TPO: variants seen among roughly 807,000 people sequenced by gnomAD.
The protein encoded by TPO is thyroid peroxidase.
TPO carries 78 observed loss-of-function variants against 96.9 expected under a neutral mutation model. The observed-to-expected ratio is 0.81, with a 90% CI of 0.67 to 0.97. The LOEUF (loss-of-function observed/expected upper bound fraction) is 0.97, where lower values mean the gene tolerates loss of function less well. Among genes scored for constraint, TPO ranks in the 50% least tolerant of loss-of-function variants. The probability of loss-of-function intolerance (pLI) is 0.00; values close to 1 mark genes in which losing one functional copy is unlikely to be tolerated. For missense variants in TPO, 1,252 were observed against 1,274.8 expected (o/e 0.98, Z 0.27); for synonymous variants, 547 against 538.0 (o/e 1.02, Z -0.23).
At chr2:1,535,336 G>A (rs1268833117) in intron 15 of TPO, among the ~76,000 whole-genome samples, 2 of 29,698 alleles carry the variant, frequency 6.7e-5, no homozygotes, top group African/African-American at 1.5e-4. Flanking sequence ...CCCCCCCACT[G>A]TATGCAACCT....
intron 7 of TPO, among the ~76,000 whole-genome samples, chr2:1,458,622 G>A (rs1668116034): frequency 6.6e-6 from 1 of 152,040 alleles, no homozygotes; most frequent in Admixed American, 6.5e-5. Flanking sequence ...GGGCACGTGT[G>A]TTTATAGCAT....
rs1289799614 is a variant in TPO at position 1,385,722 on chromosome 2, G to GCT, written n.180+11323_180+11324dup. Among the ~76,000 whole-genome samples the GCT allele has an allele frequency of 6.6e-5, 10 of 151,278 alleles. No homozygotes were observed. In the East Asian group the frequency reaches 1.9e-3, roughly 29 times the overall value. ...TTGTGTCTCTATCTACTTCAGTTCT[G>GCT]CTCTGATCTTAGTTATTTCTTGGCT... On this transcript the variant is annotated intron_variant and non_coding_transcript_variant, in intron 1 of 5. Transcript: ENST00000497517.
rs1212098572 is a variant in TPO at position 1,477,085 on chromosome 2, G to A, written c.820-1G>A. On this transcript the variant is annotated splice_acceptor_variant, in intron 7 of 16. Coordinates refer to ENST00000329066, the MANE Select transcript of TPO (RefSeq NM_001206744.2). LOFTEE classifies it high-confidence loss of function. ...GACCTTGAACTCCCCTTTGCCTGCA[G>A]CTCCCGGAGGAGGCCCGGCCGGCCG... 2 of 1,601,808 alleles carry A rather than the reference G, an allele frequency of 1.2e-6. No homozygotes were observed. Among genetic ancestry groups the A allele is most frequent in the East Asian group, 4.5e-5 (2 of 44,720 alleles).
intron 13 of TPO, among the ~76,000 whole-genome samples, chr2:1,502,319 C>A (rs1672951933): frequency 6.6e-6 from 1 of 152,148 alleles, no homozygotes; most frequent in Admixed American, 6.5e-5. Context: ...ATAGCTGCTG[C>A]TAGATAGAGA....
At position 1,423,141 on chromosome 2, in the gene TPO, G is replaced by A. The variant is rs561081779; in HGVS notation, c.179+12G>A. 1.9e-5 allele frequency: 30 copies of A among 1,612,696 alleles called. 1 individual carries two copies. The highest frequency in any genetic ancestry group is 1.3e-4 in the South Asian group (12 of 91,046). ...GCCACGATGCAGAGGTGAGCCTTGC[G>A]GAGGGGCCGCCGCCCCAAATGCCAC... On this transcript the variant is annotated intron_variant, in intron 3 of 16. Transcript: ENST00000329066.
intron 15 of TPO, among the ~76,000 whole-genome samples, chr2:1,539,531 G>T (rs774265211): frequency 6.6e-6 from 1 of 152,168 alleles, no homozygotes; most frequent in Non-Finnish European, 1.5e-5. Flanking sequence ...TGACAGGAGG[G>T]CTGTCTTCCA....
intron 10 of TPO, among the ~76,000 whole-genome samples, chr2:1,488,526 C>T (rs1465169631): frequency 6.6e-6 from 1 of 152,144 alleles, no homozygotes; most frequent in African/African-American, 2.4e-5. Context: ...CACCCGGCAG[C>T]CTCCTCCCTG....
Position 1,477,143 on chromosome 2 carries a change from T to C in TPO, c.877T>C (p.Ser293Pro), listed in dbSNP as rs1670030063. 1.9e-6 allele frequency: 3 copies of C among 1,610,378 alleles called. No homozygotes were observed. The highest frequency in any genetic ancestry group is 2.5e-6 in the Non-Finnish European group (3 of 1,179,212). ...CGCCTGTCTGCCCTTCTACCGCTCT[T>C]CGGCCGCCTGCGGCACCGGGGACCA... ...GTACLPFYRS[S>P]AACGTGDQGA... Residue 293 changes from serine (S) to proline (P), a missense_variant, in exon 8 of 17, where the codon TCG becomes CCG. By Grantham distance (74) the Ser-to-Pro change is moderately conservative. Transcript: ENST00000329066.
intron 4 of TPO, among the ~76,000 whole-genome samples, chr2:1,435,944 A>C (rs1665525992): frequency 6.6e-6 from 1 of 152,186 alleles, no homozygotes; most frequent in Admixed American, 6.5e-5. Context: ...AGTTGATGGT[A>C]ACTGCAAAGT....
At chr2:1,446,339 C>T (rs1476702996) in intron 5 of TPO, among the ~76,000 whole-genome samples, 1 of 152,192 alleles carries the variant, frequency 6.6e-6, no homozygotes, top group African/African-American at 2.4e-5. Context: ...CTGAGGGAGA[C>T]ACTCATCGTT....
intron 5 of TPO, among the ~76,000 whole-genome samples, chr2:1,444,915 T>C (rs1573215302): frequency 1.0e-4 from 1 of 9,974 alleles, no homozygotes; most frequent in African/African-American, 2.6e-4. Flanking sequence ...AGGCTCCTTC[T>C]TGTTTGTATG....
intron 1 of TPO, among the ~76,000 whole-genome samples, chr2:1,391,696 A>T (rs6753934): frequency 0.11 from 16,368 of 152,160 alleles, 1,728 homozygotes; most frequent in African/African-American, 0.28. Flanking sequence ...TTCTTTGAGC[A>T]GTAGTTTGTA....
At chr2:1,540,306 C>T (rs1345186435) in intron 15 of TPO, among the ~76,000 whole-genome samples, 1 of 152,216 alleles carries the variant, frequency 6.6e-6, no homozygotes, top group Non-Finnish European at 1.5e-5. Flanking sequence ...CTGCAGCCCG[C>T]GTCCCTTGCA....
chr2:1,532,962 A>AT (rs1558429583), intron 15 of TPO, among the ~76,000 whole-genome samples: 1 of 45,512 alleles, frequency 2.2e-5, no homozygotes, highest in South Asian at 9.8e-4. Context: ...AAATCCCCCC[A>AT]CTGTGTCCAG....
intron 1 of TPO, among the ~76,000 whole-genome samples, chr2:1,383,713 G>T (rs1363517986): frequency 6.6e-6 from 1 of 152,188 alleles, no homozygotes; most frequent in East Asian, 1.9e-4. Flanking sequence ...CTGTGCAGAA[G>T]CTCTTTAGTT....
At chr2:1,474,265 G>A (rs1669699723) in intron 7 of TPO, among the ~76,000 whole-genome samples, 1 of 152,112 alleles carries the variant, frequency 6.6e-6, no homozygotes, top group South Asian at 2.1e-4. Context: ...TTAATTTGCT[G>A]ACACCCTGGA....
chr2:1,490,717 C>T (rs1445026209), intron 10 of TPO, among the ~76,000 whole-genome samples: 2 of 152,314 alleles, frequency 1.3e-5, no homozygotes, highest in East Asian at 1.9e-4. Context: ...ACAAACCTGG[C>T]AGAGGCTTCA....
At chr2:1,410,336 G>C (rs1662314679), upstream of TPO, among the ~76,000 whole-genome samples, 1 of 152,194 alleles carries the variant, frequency 6.6e-6, no homozygotes, top group African/African-American at 2.4e-5. Context: ...GCAACATCAG[G>C]CTGTAGTTTG....
rs187271116 is a variant in TPO at position 1,500,584 on chromosome 2, T to G, written c.2387-3364T>G. Among the ~76,000 whole-genome samples the G allele has an allele frequency of 1.0e-3, 159 of 152,326 alleles. 1 individual carries two copies. Among genetic ancestry groups the G allele is most frequent in the African/African-American group, 3.7e-3 (155 of 41,576 alleles). On this transcript the variant is annotated intron_variant, in intron 13 of 16. Transcript: ENST00000329066. ...CAGAAAGGAAGGCTACGGGCTTAAC[T>G]GAATATTTGATACAGAAAAACAAAT...
Sources: allele counts gnomAD v4.1 joint callset (sites outside exome capture counted in the v4.1 genomes callset), GRCh38; gene constraint gnomAD v4.1.1; transcripts MANE v1.5; gene names NCBI Gene and HGNC (gene_info 2026-07-23, HGNC 2026-07-21).